The following TDRD7 variants were observed in gnomAD, a reference collection of about 807,000 sequenced individuals.
TDRD7 encodes the protein tudor domain-containing protein 7.
A neutral mutation model predicts 109.8 loss-of-function variants in TDRD7; 47 were observed. The ratio of observed to expected loss-of-function variants is 0.43; its 90% CI spans 0.34 to 0.55. TDRD7 has a LOEUF of 0.55. TDRD7 is among the 20% of genes least tolerant of loss of function. The probability of loss-of-function intolerance (pLI) is 0.03; values close to 1 mark genes in which losing one functional copy is unlikely to be tolerated. For synonymous variants in TDRD7, 424 were observed against 457.3 expected (o/e 0.93, Z 0.93); for missense variants, 1,164 against 1,319.2 (o/e 0.88, Z 1.82).
chr9:97,460,552 T>C lies in TDRD7; in HGVS notation c.1230T>C (p.Thr410=). ...TCTATGCTAAACTTCCATTGCCCAC[T>C]GACAAAATCCAAAAGGATGCAGGGC... ...AILYAKLPLP[T]DKIQKDAGQA... The change falls in exon 7 of 17, where the codon ACT becomes ACC. Residue 410 remains threonine (T), a synonymous_variant. Coordinates refer to ENST00000355295, the MANE Select transcript of TDRD7 (RefSeq NM_014290.3). 1 of 1,614,216 alleles carries C rather than the reference T, an allele frequency of 6.2e-7. No homozygotes were observed. Among genetic ancestry groups the C allele is most frequent in the Non-Finnish European group, 8.5e-7 (1 of 1,180,032 alleles).
At chr9:97,467,356 C>T (rs978924605) in intron 8 of TDRD7, among the ~76,000 whole-genome samples, 1 of 152,218 alleles carries the variant, frequency 6.6e-6, no homozygotes, top group Non-Finnish European at 1.5e-5. Context: ...TCCTCCCTCC[C>T]TCCTTCTACT....
In TDRD7 at chr9:97,430,924, A is replaced by G. The variant is rs1277404920; in HGVS notation, c.208-9A>G. On this transcript the variant is annotated splice_polypyrimidine_tract_variant and intron_variant, in intron 2 of 16. Coordinates refer to ENST00000355295, the MANE Select transcript of TDRD7 (RefSeq NM_014290.3). ...ATGTTTCTCCTCTTACCCTGCCTCT[A>G]ATGAATAGATTACCTGCTATGCCAT... 6 of 1,613,706 alleles carry G rather than the reference A, an allele frequency of 3.7e-6. No homozygotes were observed. Among genetic ancestry groups the G allele is most frequent in the East Asian group, 2.2e-5 (1 of 44,860 alleles).
intron 6 of TDRD7, among the ~76,000 whole-genome samples, chr9:97,445,240 C>T (rs1389169293): frequency 6.6e-6 from 1 of 152,016 alleles, no homozygotes; most frequent in Non-Finnish European, 1.5e-5. Context: ...CTTGGCTGTT[C>T]TAGAGCAGTA....
chr9:97,480,779 A>G (rs1243982914), intron 13 of TDRD7, 49 bp from the exon 14 acceptor site: 1 of 1,381,910 alleles, frequency 7.2e-7, no homozygotes, highest in South Asian at 1.2e-5. Flanking sequence ...ACTCATAACT[A>G]GGTATTTTAA....
intron 16 of TDRD7, among the ~76,000 whole-genome samples, chr9:97,493,324 C>G (rs1410045828): frequency 1.3e-5 from 2 of 152,054 alleles, no homozygotes; most frequent in African/African-American, 4.8e-5. Context: ...AATTTTAAAG[C>G]TGGGTGTCCG....
rs1829392426 is a variant in TDRD7, at chr9:97,495,999, A to G, written c.*116A>G. 1 of 818,818 alleles carries G rather than the reference A, an allele frequency of 1.2e-6. No individual in the cohort carries two copies. Among genetic ancestry groups the G allele is most frequent in the Admixed American group, 2.0e-5 (1 of 51,270 alleles). 50.7% of individuals were successfully genotyped at this position (818,818 alleles called of 1,614,324 possible). ...GGCTCTGACTGCTGTGGGGGATTGA[A>G]AAGAATATGCTTATGTTTGATGAAA... On this transcript the variant is annotated 3_prime_UTR_variant, in exon 17 of 17. Transcript: ENST00000355295.
intron 6 of TDRD7, among the ~76,000 whole-genome samples, chr9:97,447,144 T>A (rs1828415035): frequency 6.6e-6 from 1 of 152,124 alleles, no homozygotes; most frequent in African/African-American, 2.4e-5. Context: ...TGTTGTGAAA[T>A]CAGAATAGCG....
intron 7 of TDRD7, among the ~76,000 whole-genome samples, chr9:97,462,055 G>C (rs1235054208): frequency 6.6e-6 from 1 of 152,172 alleles, no homozygotes; most frequent in Non-Finnish European, 1.5e-5. Context: ...GTGGCCTGAA[G>C]ATATAAATAG....
At chr9:97,483,783 G>T (rs2131178636) in intron 15 of TDRD7, among the ~76,000 whole-genome samples, 1 of 152,002 alleles carries the variant, frequency 6.6e-6, no homozygotes, top group Admixed American at 6.6e-5. Context: ...TTTTATATGT[G>T]CATATTTATA....
intron 5 of TDRD7, 52 bp downstream of exon 5, chr9:97,439,370 A>G: frequency 4.1e-6 from 6 of 1,459,568 alleles, no homozygotes; most frequent in Non-Finnish European, 5.7e-6. Context: ...GAGTCAAGAA[A>G]CATATCTGGT....
chr9:97,428,606 T>G lies in TDRD7; in HGVS notation c.141T>G (p.Pro47=). Reference sequence around the variant, plus strand: ...TCCCCTTCAAACAGCTAGGTTTCCCTACACTAGAAGCCTATCTGAGAAGTG... The same window carrying G: ...TCCCCTTCAAACAGCTAGGTTTCCCGACACTAGAAGCCTATCTGAGAAGTG... The part of the protein sequence containing the change: ...DWIPFKQLGF[P]TLEAYLRSVP... The change falls in exon 2 of 17, where the codon CCT becomes CCG. Residue 47 remains proline, a synonymous_variant. Transcript: ENST00000355295. 6.2e-7 allele frequency: 1 copy of G among 1,614,044 alleles called. No homozygotes were observed. Among genetic ancestry groups the G allele is most frequent in the Non-Finnish European group, 8.5e-7 (1 of 1,179,948 alleles).
chr9:97,441,586 A>C, intron 5 of TDRD7, 72 bp from the exon 6 acceptor site: 1 of 1,361,998 alleles, frequency 7.3e-7, no homozygotes. Flanking sequence ...CTGAAGATGC[A>C]AATATTAGGT....
At chr9:97,480,680 A>C in intron 13 of TDRD7, 148 bp from the exon 14 acceptor site, 1 of 721,042 alleles carries the variant, frequency 1.4e-6, no homozygotes. Flanking sequence ...CAGATGCTCA[A>C]ACCAGGAACT....
Position 97,455,024 on chromosome 9 carries a change from A to C in TDRD7, c.856-5154A>C, listed in dbSNP as rs141903937. The stretch of plus-strand genomic sequence containing the variant: ...CACTGACCCCACAGAAATACAGACT[A>C]CCATCAGAGAATAGTATAAACACCT... On this transcript the variant is annotated intron_variant, in intron 6 of 16. Coordinates refer to ENST00000355295, the MANE Select transcript of TDRD7 (RefSeq NM_014290.3). Among the ~76,000 whole-genome samples, 1,224 of 152,290 alleles carry C rather than the reference A, an allele frequency of 8.0e-3. 43 individuals are homozygous for C. In the East Asian group the frequency reaches 0.11, roughly 13 times the overall value.
intron 1 of TDRD7, among the ~76,000 whole-genome samples, chr9:97,417,348 A>G (rs1647524071): frequency 6.6e-6 from 1 of 152,176 alleles, no homozygotes; most frequent in Admixed American, 6.5e-5. Context: ...GAGTGACGTG[A>G]TATAATAGTA....
chr9:97,419,377 T>C (rs553529188), intron 1 of TDRD7, among the ~76,000 whole-genome samples: 1 of 152,356 alleles, frequency 6.6e-6, no homozygotes, highest in Non-Finnish European at 1.5e-5. Context: ...GTCTCCACTG[T>C]TGCTTTTACT....
At chr9:97,465,275 A>C (rs887164762) in intron 8 of TDRD7, among the ~76,000 whole-genome samples, 9 of 152,198 alleles carry the variant, frequency 5.9e-5, no homozygotes, top group African/African-American at 2.2e-4. Context: ...TTCATAACAC[A>C]TTATCCAATC....
At chr9:97,467,833 G>T (rs1474244321) in intron 8 of TDRD7, among the ~76,000 whole-genome samples, 1 of 152,226 alleles carries the variant, frequency 6.6e-6, no homozygotes, top group Non-Finnish European at 1.5e-5. Context: ...CAGCTACCTT[G>T]TAACCTGGAT....
At chr9:97,453,315 T>C (rs1226711012) in intron 6 of TDRD7, among the ~76,000 whole-genome samples, 3 of 151,988 alleles carry the variant, frequency 2.0e-5, no homozygotes, top group Non-Finnish European at 2.9e-5. Flanking sequence ...AACATTTTGG[T>C]CAATGATGGA....
Sources: allele counts gnomAD v4.1 joint callset (sites outside exome capture counted in the v4.1 genomes callset), GRCh38; gene constraint gnomAD v4.1.1; transcripts MANE v1.5; gene names NCBI Gene and HGNC (gene_info 2026-07-23, HGNC 2026-07-21).